The following ZMYM4 variants were observed in gnomAD, a reference collection of about 807,000 sequenced individuals.
ZMYM4 encodes zinc finger MYM-type protein 4.
In ZMYM4, 31 loss-of-function variants were observed where a neutral mutation model predicts 183.2. That is an observed-to-expected ratio of 0.17 (90% CI 0.13 to 0.23). The LOEUF (loss-of-function observed/expected upper bound fraction) is 0.23. Among genes scored for constraint, ZMYM4 ranks in the 10% least tolerant of loss-of-function variants. The pLI, the probability that ZMYM4 is intolerant of heterozygous loss-of-function variation, is 1.00. For missense variants in ZMYM4, 1,273 were observed against 1,840.3 expected, an observed-to-expected ratio of 0.69 and a Z score of 5.64; for synonymous variants, 592 against 631.2, an observed-to-expected ratio of 0.94 and a Z score of 0.93.
At position 35,392,298 on chromosome 1, in the gene ZMYM4, T is replaced by C. The variant is rs747006275; in HGVS notation, c.2674T>C (p.Leu892=). 3.1e-6 allele frequency: 5 copies of C among 1,614,206 alleles called. No individual in the cohort carries two copies. The highest frequency in any genetic ancestry group is 4.2e-6 in the Non-Finnish European group (5 of 1,180,028). The change falls in exon 16 of 30, where the codon TTG becomes CTG. Residue 892 remains leucine (L), a synonymous_variant. Transcript: ENST00000314607. ...STPVIANVVS[L]ASAPAAQPTV... is the part of the protein sequence containing the mutation. ...TCCAGTTATAGCCAATGTAGTATCA[T>C]TGGCAAGTGCCCCTGCTGCTCAGCC...
chr1:35,414,459 A>G (rs1640032663), intron 27 of ZMYM4, among the ~76,000 whole-genome samples: 1 of 152,208 alleles, frequency 6.6e-6, no homozygotes. Context: ...TCCTTGAATT[A>G]TCTTTGACCA....
chr1:35,367,910 A>G (rs1461559149), intron 5 of ZMYM4, among the ~76,000 whole-genome samples: 1 of 152,146 alleles, frequency 6.6e-6, no homozygotes, highest in Non-Finnish European at 1.5e-5. Context: ...CAGGAGGCAG[A>G]GGTTGCAGTG....
At chr1:35,341,611 A>G (rs1187646946) in intron 2 of ZMYM4, among the ~76,000 whole-genome samples, 2 of 151,954 alleles carry the variant, frequency 1.3e-5, no homozygotes, top group Non-Finnish European at 2.9e-5. Flanking sequence ...AGGCTTTTAA[A>G]ATAAATTTGA....
At chr1:35,315,024 AAAAAACAAAAAAAC>A (rs1211513723) in intron 1 of ZMYM4, among the ~76,000 whole-genome samples, 1 of 150,446 alleles carries the variant, frequency 6.6e-6, no homozygotes, top group Non-Finnish European at 1.5e-5. Context: ...CTCCATCTCA[AAAAAACAAAAAAAC>A]AAAAACAAAA....
intron 2 of ZMYM4, among the ~76,000 whole-genome samples, chr1:35,337,348 C>T (rs4653129): frequency 0.76 from 115,622 of 152,078 alleles, 48,581 homozygotes; most frequent in Non-Finnish European, 0.97. Context: ...AGCAACAGAG[C>T]AAGACTCCAA....
intron 5 of ZMYM4, among the ~76,000 whole-genome samples, chr1:35,367,287 T>C (rs897777051): frequency 3.3e-5 from 5 of 151,950 alleles, no homozygotes; most frequent in Non-Finnish European, 5.9e-5. Flanking sequence ...TGGTGCAATA[T>C]TGGCTCGCTG....
At chr1:35,366,650 A>G (rs1418942801) in intron 5 of ZMYM4, among the ~76,000 whole-genome samples, 3 of 152,242 alleles carry the variant, frequency 2.0e-5, no homozygotes, top group Non-Finnish European at 4.4e-5. Context: ...TATATCAAAT[A>G]CAACTTGAAA....
At position 35,411,981 on chromosome 1, in the gene ZMYM4, CA is replaced by C. The variant is rs540443769; in HGVS notation, c.3949-1989del. On this transcript the variant is annotated intron_variant, in intron 26 of 29. Coordinates refer to ENST00000314607, the MANE Select transcript of ZMYM4 (RefSeq NM_005095.3). ...CACTGCAAGCTCCGCCTCCTGGGTT[CA>C]ACGCCATTCTCCTGCCTCAGCCTCC... 2.1e-3 allele frequency among the ~76,000 whole-genome samples: 314 copies of C among 151,854 alleles called. 5 individuals carry two copies. Among genetic ancestry groups the C allele is most frequent in the South Asian group, 7.7e-3 (37 of 4,804 alleles).
chr1:35,353,608 T>C (rs1643709437), intron 2 of ZMYM4, among the ~76,000 whole-genome samples: 1 of 152,188 alleles, frequency 6.6e-6, no homozygotes, highest in Non-Finnish European at 1.5e-5. Flanking sequence ...CATGAGAAAT[T>C]TGTGCTTTCA....
chr1:35,295,198 A>G (rs1225799700), intron 1 of ZMYM4, among the ~76,000 whole-genome samples: 1 of 152,262 alleles, frequency 6.6e-6, no homozygotes, highest in Non-Finnish European at 1.5e-5. Flanking sequence ...AGCAGACAAT[A>G]GAGATACAGT....
intron 5 of ZMYM4, among the ~76,000 whole-genome samples, chr1:35,363,162 C>T (rs7543131): frequency 2.6e-5 from 4 of 151,396 alleles, no homozygotes; most frequent in African/African-American, 9.7e-5. Flanking sequence ...CAGAGTGAGA[C>T]TTTTTTTTTG....
chr1:35,407,225 G>A (rs1645018631), intron 25 of ZMYM4, among the ~76,000 whole-genome samples: 1 of 152,060 alleles, frequency 6.6e-6, no homozygotes, highest in African/African-American at 2.4e-5. Context: ...CCAGAGGTTG[G>A]GAGTTTGAGA....
rs1014966303 is a variant in ZMYM4, at chr1:35,415,733, C to A, written c.4309+19C>A. On this transcript the variant is annotated intron_variant, in intron 28 of 29. Transcript: ENST00000314607. Reference sequence around the variant, plus strand: ...GAACCAGGTACGGGATACTGTTTGTCAGATTTCTCTTTGAAGTCTTAGTAG... The same window carrying A: ...GAACCAGGTACGGGATACTGTTTGTAAGATTTCTCTTTGAAGTCTTAGTAG... The A allele has an allele frequency of 1.2e-6, 2 of 1,605,216 alleles. No homozygotes were observed. The highest frequency in any genetic ancestry group is 2.2e-5 in the South Asian group (2 of 90,876).
intron 2 of ZMYM4, among the ~76,000 whole-genome samples, chr1:35,342,571 T>C (rs1643241389): frequency 6.6e-6 from 1 of 152,226 alleles, no homozygotes; most frequent in South Asian, 2.1e-4. Context: ...GAGTACTTAT[T>C]GGCCTTTCCT....
chr1:35,305,897 A>G (rs1429556997), intron 1 of ZMYM4, among the ~76,000 whole-genome samples: 2 of 152,074 alleles, frequency 1.3e-5, no homozygotes, highest in Admixed American at 6.6e-5. Flanking sequence ...GTGGTTATAT[A>G]TAATATCAGG....
chr1:35,300,912 T>A (rs1427209053), intron 1 of ZMYM4, among the ~76,000 whole-genome samples: 5 of 152,228 alleles, frequency 3.3e-5, no homozygotes, highest in Admixed American at 3.3e-4. Context: ...ATAAATTGGC[T>A]GTTCTTGCTT....
intron 1 of ZMYM4, among the ~76,000 whole-genome samples, chr1:35,293,653 C>T (rs1342815241): frequency 6.6e-6 from 1 of 152,026 alleles, no homozygotes; most frequent in East Asian, 1.9e-4. Flanking sequence ...AATGGAAATA[C>T]AGATAGTGTC....
At chr1:35,408,194 C>A (rs753036514) in intron 26 of ZMYM4, 35 bp downstream of exon 26, 1 of 1,611,246 alleles carries the variant, frequency 6.2e-7, no homozygotes, top group South Asian at 1.1e-5. Context: ...TTCAACCTAG[C>A]AAATCCATTG....
chr1:35,396,595 C>T lies in ZMYM4; in HGVS notation c.2955C>T (p.Pro985=), dbSNP rs368295037. The change falls in exon 19 of 30, where the codon CCC becomes CCT. Residue 985 remains proline (P), a synonymous_variant. Transcript: ENST00000314607. The part of the protein sequence containing the change: ...SQPQIIVVPV[P]VPVFVPIPLH... Reference sequence around the variant, plus strand: ...CCCAGATTATTGTGGTGCCAGTTCCCGTACCAGTGTTTGTTCCCATACCTC... The same window carrying T: ...CCCAGATTATTGTGGTGCCAGTTCCTGTACCAGTGTTTGTTCCCATACCTC... 2.6e-5 allele frequency: 42 copies of T among 1,613,804 alleles called. No individual in the cohort carries two copies. The Middle Eastern group carries it at 2.1e-3, about 82-fold the overall frequency.
Sources: gnomAD v4.1 joint callset for allele counts (sites outside exome capture counted in the v4.1 genomes callset) on GRCh38, gnomAD v4.1.1 for gene constraint, MANE v1.5 for transcripts, NCBI Gene and HGNC (gene_info 2026-07-23, HGNC 2026-07-21) for gene names.